Variants in SRRM1 observed in about 807,000 individuals in gnomAD.
The protein encoded by SRRM1 is serine and arginine repetitive matrix 1.
SRRM1 carries 19 observed loss-of-function variants against 110.2 expected under a neutral mutation model. The observed-to-expected ratio is 0.17, with a 90% CI of 0.12 to 0.25. The LOEUF is 0.25. SRRM1 is among the 10% of genes least tolerant of loss of function. The pLI is 1.00. For missense variants in SRRM1, 918 were observed against 1,145.8 expected (o/e 0.80, Z 2.87); for synonymous variants, 443 against 414.9 (o/e 1.07, Z -0.82).
At chr1:24,653,645 A>G (rs1037868133) in intron 8 of SRRM1, among the ~76,000 whole-genome samples, 4 of 152,060 alleles carry the variant, frequency 2.6e-5, no homozygotes, top group African/African-American at 7.2e-5. Context: ...TTTTTTTTAC[A>G]TCATTCTAAA....
Position 24,670,045 on chromosome 1 carries a change from AGT to A in SRRM1, c.2205-72_2205-71del, listed in dbSNP as rs1300164131. On this transcript the variant is annotated intron_variant, in intron 14 of 16. Coordinates refer to ENST00000323848, the MANE Select transcript of SRRM1 (RefSeq NM_005839.4). The stretch of plus-strand genomic sequence containing the variant: ...TTTGAAATTCATAACCTGGTTGTAC[AGT>A]GTAGTTGGTGGTTTTCTCATGTGAA... 3.9e-6 allele frequency: 5 copies of A among 1,280,608 alleles called. No homozygotes were observed. In the East Asian group the frequency reaches 1.2e-4, roughly 31 times the overall value. The allele number at this position is 1,280,608 out of a possible 1,614,324, so 79.3% of individuals were successfully genotyped here.
At chr1:24,654,321 T>C in intron 8 of SRRM1, 1 of 1,289,834 alleles carries the variant, frequency 7.8e-7, no homozygotes, top group Non-Finnish European at 1.0e-6. Context: ...CAGGAATTCT[T>C]CCGCCAAAGG....
At chr1:24,648,838 T>A in intron 3 of SRRM1, 21 bp from the exon 4 acceptor site, 1 of 1,604,996 alleles carries the variant, frequency 6.2e-7, no homozygotes, top group Non-Finnish European at 8.5e-7. Context: ...CTGTTTTTCT[T>A]CCTGTCGTGT....
At chr1:24,657,150 A>G (rs539659886) in intron 9 of SRRM1, among the ~76,000 whole-genome samples, 49 of 152,264 alleles carry the variant, frequency 3.2e-4, no homozygotes, top group Admixed American at 1.9e-3. Flanking sequence ...GCCCAGTCAT[A>G]GCTCACTGCA....
At chr1:24,663,199 C>T in intron 12 of SRRM1, 1 of 1,513,588 alleles carries the variant, frequency 6.6e-7, no homozygotes, top group Non-Finnish European at 8.9e-7. Context: ...GATGGGAAAG[C>T]GATGGCAATC....
At chr1:24,657,553 A>G (rs754642243) in intron 9 of SRRM1, among the ~76,000 whole-genome samples, 7 of 152,118 alleles carry the variant, frequency 4.6e-5, no homozygotes, top group Non-Finnish European at 1.0e-4. Context: ...TACAGTTAAT[A>G]TTTTCCCTAG....
At position 24,666,781 on chromosome 1, in the gene SRRM1, G is replaced by GA. The variant is rs754342595; in HGVS notation, c.1629-26dup. On this transcript the variant is annotated intron_variant, in intron 12 of 16. Coordinates refer to ENST00000323848, the MANE Select transcript of SRRM1 (RefSeq NM_005839.4). The stretch of plus-strand genomic sequence containing the variant: ...CGCCATCACACACACACAAAAAAAA[G>GA]AAAAAAAATTAACTATAATTCTTCT... 46 of 1,576,106 alleles carry GA rather than the reference G, an allele frequency of 2.9e-5. No individual in the cohort carries two copies. In the African/African-American group the frequency reaches 4.8e-4, roughly 16 times the overall value.
At chr1:24,644,699 A>G (rs963347253) in intron 1 of SRRM1, among the ~76,000 whole-genome samples, 3 of 152,224 alleles carry the variant, frequency 2.0e-5, no homozygotes, top group Non-Finnish European at 1.5e-5. Context: ...CGAATTTGCA[A>G]ACTGCTTATG....
Position 24,661,307 on chromosome 1 carries a change from CAGA to C in SRRM1, c.1401_1403del (p.Glu467del). The C allele has an allele frequency of 3.1e-6, 5 of 1,608,348 alleles. No individual in the cohort carries two copies. The highest frequency in any genetic ancestry group is 4.3e-6 in the Non-Finnish European group (5 of 1,176,256). ...ACACTTTCTAAATGCATCCATCTTT[CAGA>C]AGAAGATAAAGGTGGCAAAATGGCT... On this transcript the variant is annotated splice_acceptor_variant and coding_sequence_variant, in exon 11 of 17. Coordinates refer to ENST00000323848, the MANE Select transcript of SRRM1 (RefSeq NM_005839.4). LOFTEE classifies it high-confidence loss of function.
intron 9 of SRRM1, among the ~76,000 whole-genome samples, chr1:24,657,393 T>C (rs1664732921): frequency 6.6e-6 from 1 of 152,244 alleles, no homozygotes. Context: ...ACAACTTTCC[T>C]ACCCCAGAAC....
intron 9 of SRRM1, among the ~76,000 whole-genome samples, chr1:24,656,223 TGTG>T (rs1664024641): frequency 6.6e-6 from 1 of 152,214 alleles, no homozygotes; most frequent in Admixed American, 6.5e-5. Context: ...AAGGCTGCAA[TGTG>T]GTGATACCTA....
intron 8 of SRRM1, 133 bp from the exon 9 acceptor site, chr1:24,654,722 C>T (rs1422879845): frequency 4.8e-6 from 5 of 1,043,124 alleles, no homozygotes; most frequent in Middle Eastern, 2.1e-4. Context: ...TTCTTTTGGA[C>T]TCATTTATGT....
intron 14 of SRRM1, chr1:24,669,845 A>T: frequency 3.6e-6 from 2 of 561,742 alleles, no homozygotes; most frequent in Non-Finnish European, 3.1e-6. Context: ...AACTTGAGTA[A>T]GACATTGAAC....
chr1:24,670,018 T>C lies in SRRM1; in HGVS notation c.2205-102T>C, dbSNP rs975997621. 9 of 996,394 alleles carry C rather than the reference T, an allele frequency of 9.0e-6. No homozygotes were observed. In the African/African-American group the frequency reaches 1.5e-4, roughly 16 times the overall value. The allele number at this position is 996,394 out of a possible 1,614,324, so 61.7% of individuals were successfully genotyped here. ...GAATCAACCAGCAATCTAAGTGGTA[T>C]ATTTGAAATTCATAACCTGGTTGTA... On this transcript the variant is annotated intron_variant, in intron 14 of 16. Coordinates refer to ENST00000323848, the MANE Select transcript of SRRM1 (RefSeq NM_005839.4).
chr1:24,670,009 T>C, intron 14 of SRRM1, 111 bp from the exon 15 acceptor site: 1 of 968,588 alleles, frequency 1.0e-6, no homozygotes, highest in Non-Finnish European at 1.5e-6. Context: ...ACCAGCAATC[T>C]AAGTGGTATA....
rs970473101 is a variant in SRRM1, at chr1:24,656,552, A to C, written c.1315+1423A>C. Among the ~76,000 whole-genome samples the C allele has an allele frequency of 2.0e-5, 3 of 152,196 alleles. No individual in the cohort carries two copies. The South Asian group carries it at 6.2e-4, about 31-fold the overall frequency. ...TGCTTTTCAGCATTGGGAAAATTTC[A>C]GTCCATTTTCAGTTACCATGTCCAA... is the stretch of plus-strand genomic sequence containing the variant. On this transcript the variant is annotated intron_variant, in intron 9 of 16. Transcript: ENST00000323848.
Position 24,652,469 on chromosome 1 carries a change from C to T in SRRM1, c.761C>T (p.Pro254Leu). 1 of 1,606,190 alleles carries T rather than the reference C, an allele frequency of 6.2e-7. No individual in the cohort carries two copies. The highest frequency in any genetic ancestry group is 8.5e-7 in the Non-Finnish European group (1 of 1,177,264). Residue 254 changes from proline (P) to leucine (L), a missense_variant, in exon 7 of 17, where the codon CCA (proline) becomes CTA (leucine). Coordinates refer to ENST00000323848, the MANE Select transcript of SRRM1 (RefSeq NM_005839.4). ...AAAGTTCCCAAACCTGAACCTATAC[C>T]AGAGCCTAAAGAACCTTCTCCGGAA... The part of the protein sequence containing the change: ...ILKVPKPEPI[P>L]EPKEPSPEKN...
chr1:24,666,037 T>G (rs1185992313), intron 12 of SRRM1, among the ~76,000 whole-genome samples: 6 of 152,216 alleles, frequency 3.9e-5, no homozygotes, highest in Non-Finnish European at 7.3e-5. Flanking sequence ...AAGCAGTTGA[T>G]TCCTAATAAG....
intron 2 of SRRM1, 124 bp from the exon 3 acceptor site, chr1:24,646,543 A>G (rs1657748587): frequency 7.3e-6 from 5 of 684,270 alleles, no homozygotes; most frequent in Non-Finnish European, 1.2e-5. Context: ...AAAAAAAATT[A>G]GCAGATTCTA....
Sources: allele counts gnomAD v4.1 joint callset (sites outside exome capture counted in the v4.1 genomes callset), GRCh38; gene constraint gnomAD v4.1.1; transcripts MANE v1.5; gene names NCBI Gene and HGNC (gene_info 2026-07-23, HGNC 2026-07-21).